The following HSF2BP variants were observed in gnomAD, a reference collection of about 807,000 sequenced individuals.
The protein encoded by HSF2BP is heat shock transcription factor 2 binding protein.
A neutral mutation model predicts 35.0 loss-of-function variants in HSF2BP; 35 were observed. That is an observed-to-expected ratio of 1.00 (90% CI 0.76 to 1.32). HSF2BP has a LOEUF of 1.32. HSF2BP is among the 40% of genes most tolerant of loss of function. The pLI is 0.00. For synonymous variants in HSF2BP, 114 were observed against 117.4 expected, an observed-to-expected ratio of 0.97 and a Z score of 0.18; for missense variants, 326 against 321.7, an observed-to-expected ratio of 1.01 and a Z score of -0.10.
intron 8 of HSF2BP, among the ~76,000 whole-genome samples, chr21:43,573,057 A>G (rs998950290): frequency 8.5e-5 from 13 of 152,340 alleles, no homozygotes; most frequent in African/African-American, 3.1e-4. Flanking sequence ...GAATACATGA[A>G]TGAGCCCATG....
At chr21:43,596,952 G>C (rs1192297152) in intron 7 of HSF2BP, among the ~76,000 whole-genome samples, 2 of 150,830 alleles carry the variant, frequency 1.3e-5, no homozygotes, top group East Asian at 3.9e-4. Flanking sequence ...GTTTAGACAA[G>C]GCCACATAGC....
chr21:43,649,247 T>C (rs745870597), intron 3 of HSF2BP, among the ~76,000 whole-genome samples: 1 of 151,992 alleles, frequency 6.6e-6, no homozygotes, highest in Non-Finnish European at 1.5e-5. Flanking sequence ...TTGGGGTTTT[T>C]TTTATTTTTT....
intron 5 of HSF2BP, among the ~76,000 whole-genome samples, chr21:43,632,877 A>ATG (rs140139849): frequency 0.62 from 93,803 of 150,456 alleles, 29,443 homozygotes; most frequent in East Asian, 0.79. Flanking sequence ...ATCTATATGT[A>ATG]TGTGTGTGTG....
intron 6 of HSF2BP, among the ~76,000 whole-genome samples, chr21:43,618,254 C>A (rs1347527935): frequency 6.6e-6 from 1 of 151,326 alleles, no homozygotes; most frequent in Admixed American, 6.6e-5. Context: ...AAGTGAGACC[C>A]CATTTAAAAA....
At chr21:43,654,207 T>C (rs2082835064) in intron 3 of HSF2BP, among the ~76,000 whole-genome samples, 1 of 152,196 alleles carries the variant, frequency 6.6e-6, no homozygotes, top group Admixed American at 6.5e-5. Context: ...AGAAGCCTTA[T>C]TCTGTAAAAT....
At chr21:43,644,628 T>C (rs1391658306) in intron 3 of HSF2BP, among the ~76,000 whole-genome samples, 1 of 152,248 alleles carries the variant, frequency 6.6e-6, no homozygotes, top group Non-Finnish European at 1.5e-5. Context: ...TTCTGTTTTG[T>C]GTTTTTAAGG....
intron 6 of HSF2BP, among the ~76,000 whole-genome samples, chr21:43,615,144 G>C (rs903089511): frequency 6.6e-6 from 1 of 152,088 alleles, no homozygotes; most frequent in Non-Finnish European, 1.5e-5. Flanking sequence ...TCTTTAGTTG[G>C]GTCTGACAGT....
chr21:43,605,743 C>T (rs1185261595), intron 7 of HSF2BP, among the ~76,000 whole-genome samples: 1 of 26,602 alleles, frequency 3.8e-5, no homozygotes, highest in Non-Finnish European at 7.9e-5. Flanking sequence ...CACCCACCTC[C>T]CCCCAACATA....
chr21:43,578,921 C>G (rs1195429080), intron 8 of HSF2BP, among the ~76,000 whole-genome samples: 1 of 151,870 alleles, frequency 6.6e-6, no homozygotes, highest in Non-Finnish European at 1.5e-5. Context: ...ACCTTCCAGC[C>G]CGGCCAGGAC....
intron 5 of HSF2BP, among the ~76,000 whole-genome samples, chr21:43,632,430 C>T (rs2082491684): frequency 6.8e-6 from 1 of 147,486 alleles, no homozygotes; most frequent in Non-Finnish European, 1.5e-5. Context: ...CACACACACA[C>T]ACAGTCACAC....
At chr21:43,603,495 T>C (rs2082076412) in intron 7 of HSF2BP, among the ~76,000 whole-genome samples, 1 of 152,228 alleles carries the variant, frequency 6.6e-6, no homozygotes, top group African/African-American at 2.4e-5. Flanking sequence ...CTGACTGCAC[T>C]GAACTGCCGC....
chr21:43,618,278 G>C (rs1474349235), intron 6 of HSF2BP, among the ~76,000 whole-genome samples: 2 of 152,080 alleles, frequency 1.3e-5, no homozygotes, highest in South Asian at 4.1e-4. Flanking sequence ...AAAGAATCTG[G>C]TGTCAATTAT....
chr21:43,651,900 C>G (rs1193477436), intron 3 of HSF2BP, among the ~76,000 whole-genome samples: 1 of 152,240 alleles, frequency 6.6e-6, no homozygotes, highest in Non-Finnish European at 1.5e-5. Context: ...TTGCCCAGTC[C>G]TCCCAAAGGG....
Position 43,613,894 on chromosome 21 carries a change from G to C in HSF2BP, c.628C>G (p.Leu210Val). Residue 210 changes from leucine (L) to valine (V), a missense_variant, in exon 7 of 9, where the codon CTC (leucine) becomes GTC (valine). By Grantham distance (32) the Leu-to-Val change is conservative. Transcript: ENST00000291560. ...AGAAGCTGCAATATGGTGTCCAAGA[G>C]CACCCGGCTTGAATTAACCAAGAAT... is the stretch of plus-strand genomic sequence containing the variant. Reference protein sequence around the residue: ...REFLVNSSRVLLDTILQLLGD... With the variant: ...REFLVNSSRVVLDTILQLLGD... The C allele has an allele frequency of 6.2e-7, 1 of 1,612,060 alleles. No homozygotes were observed.
At chr21:43,639,982 C>T (rs1051002389) in intron 4 of HSF2BP, among the ~76,000 whole-genome samples, 2 of 152,126 alleles carry the variant, frequency 1.3e-5, no homozygotes, top group East Asian at 1.9e-4. Context: ...TCTAACGATA[C>T]ATGCAACTTG....
intron 8 of HSF2BP, among the ~76,000 whole-genome samples, chr21:43,584,995 A>ATTATTTATTTAT (rs557734689): frequency 1.3e-3 from 196 of 151,590 alleles, no homozygotes; most frequent in Middle Eastern, 6.8e-3. Context: ...ATTTTATTTA[A>ATTATTTATTTAT]TTATTTATTT....
intron 6 of HSF2BP, among the ~76,000 whole-genome samples, chr21:43,620,705 A>ACATCAT (rs536672707): frequency 1.4e-4 from 21 of 151,562 alleles, no homozygotes; most frequent in African/African-American, 4.4e-4. Context: ...TAAAAAATCA[A>ACATCAT]CATCATCATC....
intron 3 of HSF2BP, among the ~76,000 whole-genome samples, chr21:43,654,634 T>C (rs1175440413): frequency 6.6e-6 from 1 of 152,186 alleles, no homozygotes; most frequent in Non-Finnish European, 1.5e-5. Context: ...CTGGCGACCT[T>C]AGACTGATTA....
intron 4 of HSF2BP, among the ~76,000 whole-genome samples, chr21:43,635,367 AAAAAATTGTCTG>A (rs2082537451): frequency 6.6e-6 from 1 of 152,190 alleles, no homozygotes; most frequent in Non-Finnish European, 1.5e-5. Flanking sequence ...CAGAATATCT[AAAAAATTGTCTG>A]AAAAAGAAGA....
Sources: allele counts gnomAD v4.1 joint callset (sites outside exome capture counted in the v4.1 genomes callset), GRCh38; gene constraint gnomAD v4.1.1; transcripts MANE v1.5; gene names NCBI Gene and HGNC (gene_info 2026-07-23, HGNC 2026-07-21).